SVIL: variants seen among roughly 807,000 people sequenced by gnomAD.
SVIL encodes the protein archvillin.
SVIL carries 101 observed loss-of-function variants against 240.4 expected under a neutral mutation model. The observed-to-expected ratio is 0.42, with a 90% CI of 0.36 to 0.50. The LOEUF (loss-of-function observed/expected upper bound fraction) is 0.50, where lower values mean the gene tolerates loss of function less well. Among genes scored for constraint, SVIL ranks in the 20% least tolerant of loss-of-function variants. SVIL has a pLI of 0.01. For synonymous variants in SVIL, 999 were observed against 1,100.0 expected (o/e 0.91, Z 1.82); for missense variants, 2,512 against 2,818.7 (o/e 0.89, Z 2.46).
At chr10:29,547,422 G>A (rs2132630527) in intron 6 of SVIL, among the ~76,000 whole-genome samples, 1 of 152,004 alleles carries the variant, frequency 6.6e-6, no homozygotes, top group Admixed American at 6.6e-5. Flanking sequence ...CACCTCTCTA[G>A]AAGTCCTTAC....
At position 29,523,444 on chromosome 10, in the gene SVIL, C is replaced by A; in HGVS notation, c.3163+7G>T. On this transcript the variant is annotated splice_region_variant and intron_variant, in intron 15 of 37. Coordinates refer to ENST00000355867, the MANE Select transcript of SVIL (RefSeq NM_021738.3). The stretch of plus-strand genomic sequence containing the variant: ...TTTCTAAAGCTTTAGGGGCACTGGT[C>A]ACTTACCTCTTAGTGAAAACTTCCT... The A allele has an allele frequency of 1.9e-6, 3 of 1,585,846 alleles. No homozygotes were observed. Among genetic ancestry groups the A allele is most frequent in the South Asian group, 2.3e-5 (2 of 85,246 alleles).
At chr10:29,557,194 C>G (rs1164190866) in intron 3 of SVIL, among the ~76,000 whole-genome samples, 1 of 152,080 alleles carries the variant, frequency 6.6e-6, no homozygotes, top group South Asian at 2.1e-4. Flanking sequence ...TTCCCAGACT[C>G]AAGTGATCCT....
intron 1 of SVIL, among the ~76,000 whole-genome samples, chr10:29,619,611 G>A (rs1015425445): frequency 1.4e-5 from 2 of 141,550 alleles, no homozygotes; most frequent in Non-Finnish European, 3.1e-5. Context: ...GAGCTTCGTG[G>A]CAATATCTAT....
At chr10:29,549,177 AAC>A (rs1491467547) in intron 6 of SVIL, among the ~76,000 whole-genome samples, 4 of 47,822 alleles carry the variant, frequency 8.4e-5, no homozygotes, top group Admixed American at 4.2e-4. Flanking sequence ...CAAAAAAAAA[AAC>A]AAACAAACAA....
intron 1 of SVIL, among the ~76,000 whole-genome samples, chr10:29,607,371 T>C (rs111612307): frequency 0.013 from 1,980 of 152,366 alleles, 23 homozygotes; most frequent in Non-Finnish European, 0.022. Flanking sequence ...CTTCGGAATC[T>C]CCTTGCCTAG....
At chr10:29,567,063 A>G (rs1041765573) in intron 2 of SVIL, among the ~76,000 whole-genome samples, 15 of 152,084 alleles carry the variant, frequency 9.9e-5, no homozygotes, top group Non-Finnish European at 1.6e-4. Flanking sequence ...ATTTTTTTCC[A>G]ACTCTCTTTG....
intron 6 of SVIL, among the ~76,000 whole-genome samples, chr10:29,549,705 A>T (rs1953054433): frequency 7.0e-6 from 1 of 142,158 alleles, no homozygotes; most frequent in Non-Finnish European, 1.5e-5. Flanking sequence ...AAAAAGGATG[A>T]GTTCATGTCC....
At chr10:29,607,954 T>G (rs868079908) in intron 1 of SVIL, among the ~76,000 whole-genome samples, 3 of 152,230 alleles carry the variant, frequency 2.0e-5, no homozygotes, top group Middle Eastern at 3.2e-3. Context: ...TTCTCTAATA[T>G]GAGACGAATA....
At chr10:29,584,548 C>T (rs539891384) in intron 1 of SVIL, among the ~76,000 whole-genome samples, 24 of 152,240 alleles carry the variant, frequency 1.6e-4, no homozygotes, top group African/African-American at 5.3e-4. Flanking sequence ...CTTTTGAAAG[C>T]GGTTGTGGTT....
chr10:29,541,245 A>G (rs1316130543), intron 6 of SVIL, among the ~76,000 whole-genome samples: 1 of 152,232 alleles, frequency 6.6e-6, no homozygotes, highest in Non-Finnish European at 1.5e-5. Flanking sequence ...TTTGCTTTAT[A>G]CAACATAATG....
intron 3 of SVIL, among the ~76,000 whole-genome samples, chr10:29,641,588 TA>T (rs1285033047): frequency 6.6e-6 from 1 of 151,696 alleles, no homozygotes; most frequent in Non-Finnish European, 1.5e-5. Flanking sequence ...AAATAAAAAA[TA>T]AAAAATAAAA....
chr10:29,500,799 T>G (rs1472031828), intron 17 of SVIL, among the ~76,000 whole-genome samples: 2 of 152,200 alleles, frequency 1.3e-5, no homozygotes, highest in East Asian at 3.9e-4. Flanking sequence ...TCCTAGAGAT[T>G]CTCTTCCCCG....
chr10:29,486,997 G>A (rs1424888213), intron 24 of SVIL, among the ~76,000 whole-genome samples, 166 bp downstream of exon 24: 4 of 152,200 alleles, frequency 2.6e-5, no homozygotes, highest in Admixed American at 1.3e-4. Flanking sequence ...AACATGTAAT[G>A]AAAGCTTGTT....
Position 29,634,520 on chromosome 10 carries a change from G to A in SVIL, c.-301C>T, listed in dbSNP as rs997953629. The A allele has an allele frequency of 3.3e-5, 5 of 152,088 alleles. No homozygotes were observed. The highest frequency in any genetic ancestry group is 5.9e-5 in the Non-Finnish European group (4 of 68,020). 9.4% of individuals were successfully genotyped at this position (152,088 alleles called of 1,614,324 possible). On this transcript the variant is annotated 5_prime_UTR_variant, in exon 1 of 38. In the 5' UTR this introduces an upstream ATG that the reference lacks. Transcript: ENST00000355867. ...TAATTTAAAAAACAAAACAAAACAC[G>A]TTATACCCTCGAATCCAGCTTTTGA...
chr10:29,611,606 C>T (rs1269139432), intron 1 of SVIL, among the ~76,000 whole-genome samples: 1 of 152,068 alleles, frequency 6.6e-6, no homozygotes, highest in East Asian at 1.9e-4. Context: ...AAACCAATGC[C>T]AAAGGTAAAG....
chr10:29,653,376 G>T (rs1958903225), intron 3 of SVIL, among the ~76,000 whole-genome samples: 2 of 152,044 alleles, frequency 1.3e-5, no homozygotes, highest in Non-Finnish European at 2.9e-5. Context: ...TGCCATGATT[G>T]TAAGTTTCCT....
intron 1 of SVIL, among the ~76,000 whole-genome samples, chr10:29,612,942 C>T (rs2505909): frequency 6.6e-5 from 10 of 152,132 alleles, no homozygotes; most frequent in Admixed American, 2.0e-4. Flanking sequence ...CTTTGGGAGG[C>T]TGAGGTGGGC....
rs887196754 is a variant in SVIL at position 29,701,317 on chromosome 10, C to T, written c.-399-14666G>A. Among the ~76,000 whole-genome samples the T allele has an allele frequency of 6.0e-5, 9 of 149,636 alleles. No homozygotes were observed. In the East Asian group the frequency reaches 1.0e-3, roughly 17 times the overall value. On this transcript the variant is annotated intron_variant, in intron 1 of 35. Coordinates refer to the SVIL transcript ENST00000375400. ...CTTCCAGGGGCCACCTCTCAGGCCC[C>T]TGTACTCCAAGAGAGAATAAGGCCA...
chr10:29,463,350 A>C, intron 35 of SVIL, 142 bp downstream of exon 35: 1 of 1,109,488 alleles, frequency 9.0e-7, no homozygotes, highest in South Asian at 1.8e-5. Context: ...AGGGGAAAAA[A>C]TTGGTTTCAT....
Sources: gnomAD v4.1 joint callset for allele counts (sites outside exome capture counted in the v4.1 genomes callset) on GRCh38, gnomAD v4.1.1 for gene constraint, MANE v1.5 for transcripts, NCBI Gene and HGNC (gene_info 2026-07-23, HGNC 2026-07-21) for gene names.